Variants in FUCA1 observed in about 807,000 individuals in gnomAD.
FUCA1 encodes tissue alpha-L-fucosidase.
A neutral mutation model predicts 56.8 loss-of-function variants in FUCA1; 52 were observed. The ratio of observed to expected loss-of-function variants is 0.92; its 90% CI spans 0.73 to 1.15. The LOEUF is 1.15. Ranked by LOEUF, FUCA1 falls within the 50% of genes most tolerant of loss-of-function variation. FUCA1 has a pLI of 0.00. For synonymous variants in FUCA1, 230 were observed against 226.6 expected (o/e 1.02, Z -0.14); for missense variants, 568 against 592.6 (o/e 0.96, Z 0.43).
chr1:23,857,125 C>T (rs1461637466), intron 4 of FUCA1, among the ~76,000 whole-genome samples: 1 of 152,062 alleles, frequency 6.6e-6, no homozygotes, highest in African/African-American at 2.4e-5. Flanking sequence ...ATTTTTCCTT[C>T]TGTGATACTC....
At chr1:23,853,460 C>A (rs1454917769) in intron 5 of FUCA1, among the ~76,000 whole-genome samples, 1 of 151,246 alleles carries the variant, frequency 6.6e-6, no homozygotes, top group East Asian at 2.0e-4. Context: ...GCCCCCCGCC[C>A]AGCCAGCCGC....
chr1:23,865,759 TAGTGATATCC>T, intron 1 of FUCA1, 134 bp from the exon 2 acceptor site: 1 of 992,962 alleles, frequency 1.0e-6, no homozygotes, highest in South Asian at 1.3e-5. Context: ...GTGACTATAT[TAGTGATATCC>T]AGGAAGCTGC....
intron 3 of FUCA1, 37 bp from the exon 4 acceptor site, chr1:23,859,940 G>T: frequency 7.3e-7 from 1 of 1,375,516 alleles, no homozygotes; most frequent in Non-Finnish European, 1.0e-6. Flanking sequence ...CTTATTATCT[G>T]AACATGTTCA....
Position 23,846,170 on chromosome 1 carries a change from A to C in FUCA1, c.1164T>G (p.Tyr388Ter). 4 of 1,611,142 alleles carry C rather than the reference A, an allele frequency of 2.5e-6. No homozygotes were observed. Among genetic ancestry groups the C allele is most frequent in the Non-Finnish European group, 3.4e-6 (4 of 1,177,338 alleles). The part of the protein sequence containing the change: ...QWEKNTTSVW[Y>*]TSKGSAVYAI... ...CATAAACAGCCGATCCCTTTGAGGT[A>C]TACCTGGGAAAACAGAAACAACACT... Residue 388 changes from tyrosine to a stop codon, truncating the protein, a stop_gained, in exon 7 of 8, where the codon TAT becomes TAG. Coordinates refer to ENST00000374479, the MANE Select transcript of FUCA1 (RefSeq NM_000147.5). LOFTEE classifies it high-confidence loss of function.
At chr1:23,860,482 G>T (rs367849977) in intron 3 of FUCA1, among the ~76,000 whole-genome samples, 2 of 151,482 alleles carry the variant, frequency 1.3e-5, no homozygotes, top group Non-Finnish European at 2.9e-5. Context: ...TACTCGGGAG[G>T]CTGAGGCAGG....
At chr1:23,849,931 T>G (rs1297672846) in intron 5 of FUCA1, among the ~76,000 whole-genome samples, 1 of 152,032 alleles carries the variant, frequency 6.6e-6, no homozygotes. Flanking sequence ...TGTGTGTGTT[T>G]TTACTGTGAC....
intron 2 of FUCA1, 41 bp from the exon 3 acceptor site, chr1:23,863,312 G>C (rs746914526): frequency 6.3e-7 from 1 of 1,597,816 alleles, no homozygotes; most frequent in Non-Finnish European, 8.5e-7. Context: ...ATTAAGCATA[G>C]AACAAATAAT....
At chr1:23,855,274 G>A (rs577950912) in intron 4 of FUCA1, among the ~76,000 whole-genome samples, 4 of 152,216 alleles carry the variant, frequency 2.6e-5, no homozygotes, top group Admixed American at 6.5e-5. Context: ...AAGGCAGGCA[G>A]ATCATGAGGT....
chr1:23,862,012 G>A (rs773241278), intron 3 of FUCA1, among the ~76,000 whole-genome samples: 1 of 152,184 alleles, frequency 6.6e-6, no homozygotes, highest in Non-Finnish European at 1.5e-5. Flanking sequence ...CCAAGATCTC[G>A]AAAGATAAGT....
At chr1:23,862,855 G>C (rs1054966867) in intron 3 of FUCA1, among the ~76,000 whole-genome samples, 3 of 152,166 alleles carry the variant, frequency 2.0e-5, no homozygotes, top group Non-Finnish European at 1.5e-5. Flanking sequence ...CCTGACATAG[G>C]GAAAACGGCA....
chr1:23,853,373 C>G (rs1206305959), intron 5 of FUCA1, among the ~76,000 whole-genome samples: 1 of 148,404 alleles, frequency 6.7e-6, no homozygotes, highest in South Asian at 2.1e-4. Context: ...GGCCAGCCGC[C>G]CCGTCCGGGA....
chr1:23,851,778 G>A (rs1639263895), intron 5 of FUCA1, among the ~76,000 whole-genome samples: 1 of 151,748 alleles, frequency 6.6e-6, no homozygotes, highest in Non-Finnish European at 1.5e-5. Context: ...AACACCACAT[G>A]TTCTCACTCA....
In FUCA1 at chr1:23,848,653, C is replaced by G; in HGVS notation, c.1156G>C (p.Val386Leu). The G allele has an allele frequency of 1.2e-6, 2 of 1,614,120 alleles. No homozygotes were observed. The highest frequency in any genetic ancestry group is 1.7e-6 in the Non-Finnish European group (2 of 1,179,976). ...ACAACAGAAGACAAGACTCACCATA[C>G]AGATGTTGTGTTCTTTTCCCATTGC... Reference protein sequence around the residue: ...RVQWEKNTTSVWYTSKGSAVY... With the variant: ...RVQWEKNTTSLWYTSKGSAVY... Residue 386 changes from valine to leucine, a missense_variant, in exon 6 of 8, where the codon GTA becomes CTA. Val to Leu is a conservative substitution (Grantham distance 32, BLOSUM62 1). Transcript: ENST00000374479.
At chr1:23,849,021 G>A (rs1193030955) in intron 5 of FUCA1, among the ~76,000 whole-genome samples, 182 bp from the exon 6 acceptor site, 2 of 151,534 alleles carry the variant, frequency 1.3e-5, no homozygotes, top group African/African-American at 2.4e-5. Flanking sequence ...AGGCTAGAGT[G>A]CAATGGCGTG....
chr1:23,853,683 G>A (rs1413740703), intron 5 of FUCA1, among the ~76,000 whole-genome samples: 3 of 150,588 alleles, frequency 2.0e-5, no homozygotes, highest in Non-Finnish European at 4.4e-5. Context: ...GTAGAAAGAG[G>A]TAGACACGGG....
At chr1:23,848,937 T>A in intron 5 of FUCA1, 98 bp from the exon 6 acceptor site, 8 of 1,046,688 alleles carry the variant, frequency 7.6e-6, no homozygotes, top group South Asian at 5.4e-5. Flanking sequence ...GGGCACACTC[T>A]GTTTTTTAAA....
At chr1:23,859,490 C>T (rs944840087) in intron 4 of FUCA1, among the ~76,000 whole-genome samples, 2 of 150,242 alleles carry the variant, frequency 1.3e-5, no homozygotes, top group African/African-American at 4.9e-5. Flanking sequence ...CACTTGAACT[C>T]GGGAGACAGA....
chr1:23,858,395 A>C (rs971095984), intron 4 of FUCA1, among the ~76,000 whole-genome samples: 3 of 152,168 alleles, frequency 2.0e-5, no homozygotes, highest in African/African-American at 7.2e-5. Context: ...TGAACTACCA[A>C]GGTACCTCAG....
At chr1:23,858,360 C>G (rs2148445240) in intron 4 of FUCA1, among the ~76,000 whole-genome samples, 1 of 152,330 alleles carries the variant, frequency 6.6e-6, no homozygotes, top group Middle Eastern at 3.4e-3. Context: ...AGCCACTGCA[C>G]CTGGCCAAGA....
Sources: allele counts gnomAD v4.1 joint callset (sites outside exome capture counted in the v4.1 genomes callset), GRCh38; gene constraint gnomAD v4.1.1; transcripts MANE v1.5; gene names NCBI Gene and HGNC (gene_info 2026-07-23, HGNC 2026-07-21).